Variants in CNTN5 observed in about 807,000 individuals in gnomAD.
CNTN5 encodes contactin-5.
Under a neutral mutation model 129.1 loss-of-function variants are expected in CNTN5, and 77 were observed. The observed-to-expected ratio is 0.60, with a 90% CI of 0.50 to 0.72. The LOEUF (loss-of-function observed/expected upper bound fraction) is 0.72, where lower values mean the gene tolerates loss of function less well. Among genes scored for constraint, CNTN5 ranks in the 30% least tolerant of loss-of-function variants. The probability of loss-of-function intolerance (pLI) is 0.00; values close to 1 mark genes in which losing one functional copy is unlikely to be tolerated. For missense variants in CNTN5, 1,478 were observed against 1,328.8 expected, an observed-to-expected ratio of 1.11 and a Z score of -1.75; for synonymous variants, 509 against 465.6, an observed-to-expected ratio of 1.09 and a Z score of -1.20.
At chr11:100,096,859 A>G (rs1945028750) in intron 13 of CNTN5, among the ~76,000 whole-genome samples, 1 of 152,058 alleles carries the variant, frequency 6.6e-6, no homozygotes, top group Non-Finnish European at 1.5e-5. Context: ...ATGTGTATTT[A>G]AAGGCAAATC....
At chr11:100,149,657 C>T (rs911380288) in intron 13 of CNTN5, among the ~76,000 whole-genome samples, 2 of 151,828 alleles carry the variant, frequency 1.3e-5, no homozygotes, top group Admixed American at 6.6e-5. Context: ...CTTTGGGAGG[C>T]CAAGGCAGGC....
intron 21 of CNTN5, among the ~76,000 whole-genome samples, chr11:100,337,944 A>C (rs1952069080): frequency 6.6e-6 from 1 of 152,254 alleles, no homozygotes; most frequent in South Asian, 2.1e-4. Context: ...AGGGAGAACC[A>C]AAGAAAGTCC....
intron 4 of CNTN5, among the ~76,000 whole-genome samples, chr11:99,827,780 G>T (rs983809615): frequency 6.6e-6 from 1 of 150,630 alleles, no homozygotes; most frequent in African/African-American, 2.4e-5. Flanking sequence ...CCTCTCTATA[G>T]TATAATGTTA....
At chr11:100,251,263 G>C (rs774153614) in intron 16 of CNTN5, among the ~76,000 whole-genome samples, 2 of 152,046 alleles carry the variant, frequency 1.3e-5, no homozygotes, top group East Asian at 3.9e-4. Flanking sequence ...GCTGAAGCTG[G>C]AGTCATCTGA....
chr11:99,361,834 G>C (rs1034555634), intron 2 of CNTN5, among the ~76,000 whole-genome samples: 21 of 151,946 alleles, frequency 1.4e-4, no homozygotes, highest in African/African-American at 5.1e-4. Context: ...CCTATTAAAG[G>C]CTGAATAATA....
At chr11:99,700,000 T>C (rs933063993) in intron 3 of CNTN5, among the ~76,000 whole-genome samples, 2 of 151,436 alleles carry the variant, frequency 1.3e-5, no homozygotes, top group African/African-American at 4.8e-5. Flanking sequence ...AATACATGAA[T>C]ACATGATTAT....
intron 1 of CNTN5, among the ~76,000 whole-genome samples, chr11:99,316,801 G>A (rs1457077454): frequency 6.6e-6 from 1 of 151,806 alleles, no homozygotes; most frequent in Admixed American, 6.6e-5. Flanking sequence ...TTAATTAAGA[G>A]CAATCGGAGG....
At chr11:99,961,270 C>T (rs1056911545) in intron 8 of CNTN5, among the ~76,000 whole-genome samples, 4 of 149,710 alleles carry the variant, frequency 2.7e-5, no homozygotes, top group Non-Finnish European at 4.4e-5. Flanking sequence ...ATAAGGGTTT[C>T]CATAAGAAGT....
chr11:99,443,072 A>C (rs7122085), intron 2 of CNTN5, among the ~76,000 whole-genome samples: 26,496 of 152,216 alleles, frequency 0.17, 2,451 homozygotes, highest in Middle Eastern at 0.3. Context: ...TCACAAAAGA[A>C]TTAATATTTG....
intron 13 of CNTN5, among the ~76,000 whole-genome samples, chr11:100,151,011 G>A (rs923221673): frequency 6.6e-5 from 10 of 152,034 alleles, no homozygotes; most frequent in Non-Finnish European, 1.5e-5. Context: ...TGCAAGCCAG[G>A]AGGAAGGTTG....
At chr11:99,090,976 C>G (rs1287998194) in intron 1 of CNTN5, among the ~76,000 whole-genome samples, 1 of 134,036 alleles carries the variant, frequency 7.5e-6, no homozygotes. Context: ...GAGCCGAGAT[C>G]GTGCCACTGC....
At chr11:100,174,614 A>G (rs1394804851) in intron 13 of CNTN5, among the ~76,000 whole-genome samples, 3 of 152,140 alleles carry the variant, frequency 2.0e-5, no homozygotes, top group Admixed American at 6.6e-5. Context: ...CCTTGTAGAG[A>G]CAGCCTTCAG....
intron 21 of CNTN5, 80 bp from the exon 22 acceptor site, chr11:100,340,383 A>C: frequency 9.4e-7 from 1 of 1,068,960 alleles, no homozygotes; most frequent in East Asian, 2.6e-5. Context: ...AGCAACATCC[A>C]AAAAAGAGAA....
intron 13 of CNTN5, among the ~76,000 whole-genome samples, chr11:100,118,408 A>G (rs1945909125): frequency 6.6e-6 from 1 of 151,898 alleles, no homozygotes; most frequent in Non-Finnish European, 1.5e-5. Context: ...TCTTTTAACT[A>G]TGCCTATCTA....
In CNTN5 at chr11:100,357,529, C is replaced by T. The variant is rs1172814847; in HGVS notation, c.*1309C>T. The T allele has an allele frequency of 6.6e-6, 1 of 151,620 alleles. No individual in the cohort carries two copies. The highest frequency in any genetic ancestry group is 1.5e-5 in the Non-Finnish European group (1 of 67,796). The allele number at this position is 151,620 out of a possible 1,614,324, so 9.4% of individuals were successfully genotyped here. ...TATCTTAAAGAAGTTCTAACAAGCA[C>T]AAGAATGTGCCAGAGTTGGCATCAT... On this transcript the variant is annotated 3_prime_UTR_variant, in exon 25 of 25. Transcript: ENST00000524871.
chr11:99,678,989 A>G (rs1020538585), intron 3 of CNTN5, among the ~76,000 whole-genome samples: 1 of 147,812 alleles, frequency 6.8e-6, no homozygotes, highest in African/African-American at 2.5e-5. Context: ...ATAAAATTCC[A>G]TAAATATACA....
chr11:99,428,714 C>T (rs953574072), intron 2 of CNTN5, among the ~76,000 whole-genome samples: 17 of 142,996 alleles, frequency 1.2e-4, no homozygotes, highest in Non-Finnish European at 2.4e-4. Context: ...GCATTTATTC[C>T]ATTACATTTC....
chr11:99,581,525 G>T (rs10893536), intron 3 of CNTN5, among the ~76,000 whole-genome samples: 128,991 of 143,086 alleles, frequency 0.9, 58,238 homozygotes, highest in East Asian at 0.99. Context: ...CCTGTATTGG[G>T]TGCATATATA....
At chr11:99,237,955 G>C (rs569960732) in intron 1 of CNTN5, among the ~76,000 whole-genome samples, 1 of 152,038 alleles carries the variant, frequency 6.6e-6, no homozygotes, top group African/African-American at 2.4e-5. Context: ...TATTGTTCCT[G>C]GTGCATTTTT....
Sources: allele counts gnomAD v4.1 joint callset (sites outside exome capture counted in the v4.1 genomes callset), GRCh38; gene constraint gnomAD v4.1.1; transcripts MANE v1.5; gene names NCBI Gene and HGNC (gene_info 2026-07-23, HGNC 2026-07-21).